The following FAR2 variants were observed in gnomAD, a reference collection of about 807,000 sequenced individuals.
The protein encoded by FAR2 is fatty acyl-CoA reductase 2, also known as epididymis secretory protein Li 81.
Under a neutral mutation model 56.0 loss-of-function variants are expected in FAR2, and 19 were observed. The observed-to-expected ratio is 0.34, with a 90% CI of 0.24 to 0.50. The LOEUF is 0.50. Among genes scored for constraint, FAR2 ranks in the 20% least tolerant of loss-of-function variants. The probability of loss-of-function intolerance (pLI) is 0.98; values close to 1 mark genes in which losing one functional copy is unlikely to be tolerated. For synonymous variants in FAR2, 219 were observed against 218.8 expected (o/e 1.00, Z -0.01); for missense variants, 508 against 642.2 (o/e 0.79, Z 2.26).
chr12:29,164,078 G>A (rs1185214764), intron 1 of FAR2, among the ~76,000 whole-genome samples: 1 of 152,220 alleles, frequency 6.6e-6, no homozygotes, highest in African/African-American at 2.4e-5. Context: ...ATGAGTTCGT[G>A]TGTGTTACCT....
At chr12:29,211,821 T>C (rs770533774) in intron 1 of FAR2, among the ~76,000 whole-genome samples, 18 of 150,936 alleles carry the variant, frequency 1.2e-4, no homozygotes, top group Non-Finnish European at 7.4e-5. Flanking sequence ...TTGTCACAGA[T>C]ATAATTACTT....
At chr12:29,238,614 A>G (rs980725726) in intron 1 of FAR2, among the ~76,000 whole-genome samples, 3 of 152,194 alleles carry the variant, frequency 2.0e-5, no homozygotes, top group African/African-American at 7.2e-5. Flanking sequence ...TTAGCTGATC[A>G]TAGTGAGGGA....
At chr12:29,263,096 TATA>T (rs1482724287) in intron 1 of FAR2, among the ~76,000 whole-genome samples, 7 of 152,300 alleles carry the variant, frequency 4.6e-5, no homozygotes, top group Non-Finnish European at 8.8e-5. Flanking sequence ...AGCAATAGGA[TATA>T]ATAATTGTAA....
Position 29,221,933 on chromosome 12 carries a change from C to T in FAR2, c.-38-48479C>T, listed in dbSNP as rs77790592. On this transcript the variant is annotated intron_variant, in intron 1 of 11. Coordinates refer to ENST00000536681, the MANE Select transcript of FAR2 (RefSeq NM_001271783.2). The stretch of plus-strand genomic sequence containing the variant: ...CATGATCTTGGCCCACTACAACCTC[C>T]GCCTCCCAGGTTCAAGCAATTCTCC... Among the ~76,000 whole-genome samples, 571 of 152,200 alleles carry T rather than the reference C, an allele frequency of 3.8e-3. 17 individuals are homozygous for T. The East Asian group carries it at 0.072, about 19-fold the overall frequency.
At chr12:29,172,976 A>G (rs769668410) in intron 1 of FAR2, among the ~76,000 whole-genome samples, 3 of 152,166 alleles carry the variant, frequency 2.0e-5, no homozygotes, top group Non-Finnish European at 2.9e-5. Flanking sequence ...CTGTCATTCT[A>G]TCATTTACTT....
rs57571096 is a variant in FAR2 at position 29,182,589 on chromosome 12, A to G, written c.-39+33182A>G. 7.0e-3 allele frequency among the ~76,000 whole-genome samples: 1,072 copies of G among 152,314 alleles called. 7 individuals carry two copies. The highest frequency in any genetic ancestry group is 0.025 in the African/African-American group (1,029 of 41,582). On this transcript the variant is annotated intron_variant, in intron 1 of 11. Coordinates refer to ENST00000536681, the MANE Select transcript of FAR2 (RefSeq NM_001271783.2). ...AGACAGAAAAGTTCTCCAAGTCCCCACCCAACCCAGAAGTCCAGCTGGCTT... is the reference window on the plus strand; with the variant it reads ...AGACAGAAAAGTTCTCCAAGTCCCCGCCCAACCCAGAAGTCCAGCTGGCTT...
At chr12:29,201,995 A>G (rs925142663) in intron 1 of FAR2, among the ~76,000 whole-genome samples, 7 of 152,216 alleles carry the variant, frequency 4.6e-5, no homozygotes, top group Non-Finnish European at 1.0e-4. Context: ...TTCCTCTGCA[A>G]TAGTGCACAA....
At chr12:29,218,088 G>A (rs1329858679) in intron 1 of FAR2, among the ~76,000 whole-genome samples, 1 of 151,876 alleles carries the variant, frequency 6.6e-6, no homozygotes, top group Admixed American at 6.6e-5. Context: ...CGGGTGTGGT[G>A]GCTCACGCCT....
intron 1 of FAR2, among the ~76,000 whole-genome samples, chr12:29,251,337 ACTTCCCCAAAGGCACC>A: frequency 6.6e-6 from 1 of 152,264 alleles, no homozygotes; most frequent in African/African-American, 2.4e-5. Flanking sequence ...TTTCTCCCAG[ACTTCCCCAAAGGCACC>A]CTTGGCCCTT....
At chr12:29,249,977 A>G (rs1347970027) in intron 1 of FAR2, among the ~76,000 whole-genome samples, 1 of 152,186 alleles carries the variant, frequency 6.6e-6, no homozygotes, top group Non-Finnish European at 1.5e-5. Context: ...AATGAGATCT[A>G]GTAAAGAGTG....
At chr12:29,220,867 G>C (rs540989641) in intron 1 of FAR2, among the ~76,000 whole-genome samples, 1 of 152,230 alleles carries the variant, frequency 6.6e-6, no homozygotes, top group Non-Finnish European at 1.5e-5. Flanking sequence ...AGCAGGCGAC[G>C]TGAGAGATCA....
At chr12:29,225,242 T>G (rs1175558975) in intron 1 of FAR2, among the ~76,000 whole-genome samples, 1 of 152,062 alleles carries the variant, frequency 6.6e-6, no homozygotes, top group East Asian at 1.9e-4. Flanking sequence ...TCTCAATAAA[T>G]AAATAAATAA....
rs539002777 is a variant in FAR2 at position 29,205,599 on chromosome 12, A to G, written c.-39+56192A>G. On this transcript the variant is annotated intron_variant, in intron 1 of 11. Transcript: ENST00000536681. ...TACAGAACAGGTTCTGAAGACAAGG[A>G]GGCCAATGAAATGGAAAAAAAGCTT... Among the ~76,000 whole-genome samples the G allele has an allele frequency of 3.9e-5, 6 of 152,338 alleles. No individual in the cohort carries two copies. The South Asian group carries it at 1.2e-3, about 32-fold the overall frequency.
chr12:29,250,546 G>A (rs1183779969), intron 1 of FAR2, among the ~76,000 whole-genome samples: 1 of 152,034 alleles, frequency 6.6e-6, no homozygotes, highest in Non-Finnish European at 1.5e-5. Context: ...TATTTTGTTA[G>A]TTACACTGAG....
intron 4 of FAR2, among the ~76,000 whole-genome samples, chr12:29,304,406 C>G (rs1346952092): frequency 1.3e-5 from 2 of 152,154 alleles, no homozygotes; most frequent in Non-Finnish European, 2.9e-5. Flanking sequence ...AGTGGGGAGA[C>G]AGACACATAA....
At position 29,239,452 on chromosome 12, in the gene FAR2, C is replaced by CTGTGTGTGTGTGTG. The variant is rs34821915; in HGVS notation, c.-38-30942_-38-30929dup. Among the ~76,000 whole-genome samples the CTGTGTGTGTGTGTG allele has an allele frequency of 3.2e-3, 480 of 147,938 alleles. 4 individuals carry two copies. Among genetic ancestry groups the CTGTGTGTGTGTGTG allele is most frequent in the East Asian group, 0.018 (91 of 4,992 alleles). The stretch of plus-strand genomic sequence containing the variant: ...AATGTGCCACAGCTAAATGAATCAA[C>CTGTGTGTGTGTGTG]TGTGTGTGTGTGTGTGTGTGTGTGT... On this transcript the variant is annotated intron_variant, in intron 1 of 11. Coordinates refer to ENST00000536681, the MANE Select transcript of FAR2 (RefSeq NM_001271783.2).
chr12:29,209,086 A>G (rs568970025), intron 1 of FAR2, among the ~76,000 whole-genome samples: 1 of 152,192 alleles, frequency 6.6e-6, no homozygotes, highest in African/African-American at 2.4e-5. Context: ...TAATCTTAAA[A>G]AAAAAAAAAA....
At chr12:29,324,850 A>T (rs1170229709) in intron 10 of FAR2, among the ~76,000 whole-genome samples, 1 of 152,244 alleles carries the variant, frequency 6.6e-6, no homozygotes, top group East Asian at 1.9e-4. Context: ...ACTAACGAGC[A>T]AAATAACCAG....
At chr12:29,186,201 A>G (rs1020067653) in intron 1 of FAR2, among the ~76,000 whole-genome samples, 1 of 152,198 alleles carries the variant, frequency 6.6e-6, no homozygotes, top group Non-Finnish European at 1.5e-5. Context: ...AATCTGTTAT[A>G]TATTTATACT....
Sources: gnomAD v4.1 joint callset for allele counts (sites outside exome capture counted in the v4.1 genomes callset) on GRCh38, gnomAD v4.1.1 for gene constraint, MANE v1.5 for transcripts, NCBI Gene and HGNC (gene_info 2026-07-23, HGNC 2026-07-21) for gene names.